SHANK2: variants seen among roughly 807,000 people sequenced by gnomAD.
SHANK2 encodes SH3 and multiple ankyrin repeat domains protein 2.
Under a neutral mutation model 133.7 loss-of-function variants are expected in SHANK2, and 43 were observed. The ratio of observed to expected loss-of-function variants is 0.32; its 90% CI spans 0.25 to 0.41. The LOEUF (loss-of-function observed/expected upper bound fraction) is 0.41, where lower values mean the gene tolerates loss of function less well. Among genes scored for constraint, SHANK2 ranks in the 10% least tolerant of loss-of-function variants. The pLI is 1.00. For missense variants in SHANK2, 1,994 were observed against 2,235.8 expected (o/e 0.89, Z 2.18); for synonymous variants, 1,017 against 952.8 (o/e 1.07, Z -1.24).
intron 9 of SHANK2, among the ~76,000 whole-genome samples, chr11:71,066,993 G>C (rs1951071312): frequency 6.6e-6 from 1 of 152,226 alleles, no homozygotes; most frequent in East Asian, 1.9e-4. Flanking sequence ...TGGAAACCTG[G>C]CTTCCTCATT....
chr11:71,147,466 A>C (rs1590957671), intron 2 of SHANK2, 128 bp from the exon 3 acceptor site: 2 of 651,904 alleles, frequency 3.1e-6, no homozygotes, highest in Admixed American at 7.4e-5. Flanking sequence ...TGTTGGTGTG[A>C]CCACCAGCCG....
chr11:71,222,710 C>T (rs1443251728), intron 2 of SHANK2, among the ~76,000 whole-genome samples: 4 of 152,250 alleles, frequency 2.6e-5, no homozygotes, highest in African/African-American at 7.2e-5. Context: ...TGCAGGGACA[C>T]GTGCTCCTTC....
chr11:71,183,683 G>C (rs1289369419), intron 2 of SHANK2, among the ~76,000 whole-genome samples: 1 of 152,130 alleles, frequency 6.6e-6, no homozygotes, highest in African/African-American at 2.4e-5. Flanking sequence ...GGGGCAGGTG[G>C]CTCCATCCCC....
intron 17 of SHANK2, among the ~76,000 whole-genome samples, chr11:70,584,541 G>T (rs541846186): frequency 6.6e-6 from 1 of 151,954 alleles, no homozygotes; most frequent in Admixed American, 6.6e-5. Flanking sequence ...GCTGGGTACC[G>T]GACAGCCAGG....
At chr11:70,538,349 C>T (rs1459172689) in intron 17 of SHANK2, among the ~76,000 whole-genome samples, 3 of 152,250 alleles carry the variant, frequency 2.0e-5, no homozygotes, top group African/African-American at 4.8e-5. Flanking sequence ...GCCTTTGTCC[C>T]GAGGGGCTTG....
chr11:70,872,955 C>A, intron 11 of SHANK2: 1 of 469,126 alleles, frequency 2.1e-6, no homozygotes, highest in South Asian at 1.6e-5. Flanking sequence ...ACACTCATGA[C>A]CTCCACCTCC....
At chr11:71,085,562 T>TAAA (rs1951370035) in intron 8 of SHANK2, among the ~76,000 whole-genome samples, 5 of 60,308 alleles carry the variant, frequency 8.3e-5, no homozygotes, top group Admixed American at 6.0e-4. Flanking sequence ...TATTATATTA[T>TAAA]ATAAAATATA....
chr11:70,550,973 C>T (rs1554977805), intron 17 of SHANK2, among the ~76,000 whole-genome samples: 1 of 152,160 alleles, frequency 6.6e-6, no homozygotes, highest in African/African-American at 2.4e-5. Flanking sequence ...CAGTGGTAAA[C>T]GCTCTCCAGG....
intron 10 of SHANK2, among the ~76,000 whole-genome samples, chr11:70,898,282 G>GCACACACACACACACA (rs71467421): frequency 1.5e-5 from 2 of 135,474 alleles, no homozygotes; most frequent in African/African-American, 2.8e-5. Context: ...ATACACACAC[G>GCACACACACACACACA]CACACACACA....
chr11:70,618,212 T>C lies in SHANK2; in HGVS notation c.2061+41616A>G, dbSNP rs559816618. On this transcript the variant is annotated intron_variant, in intron 17 of 25. Transcript: ENST00000601538. The stretch of plus-strand genomic sequence containing the variant: ...AGGAGGCTGAAGCAGGAGAATCATT[T>C]GAACCCAGGAGGCAGAGGTTGCAGT... Among the ~76,000 whole-genome samples, 4 of 151,020 alleles carry C rather than the reference T, an allele frequency of 2.6e-5. No individual in the cohort carries two copies. In the South Asian group the frequency reaches 8.4e-4, roughly 32 times the overall value.
intron 11 of SHANK2, among the ~76,000 whole-genome samples, chr11:70,873,578 C>T (rs887251205): frequency 2.0e-5 from 3 of 152,178 alleles, no homozygotes; most frequent in African/African-American, 7.2e-5. Flanking sequence ...TCAGGAGAGA[C>T]GTTCCACAGT....
chr11:70,680,541 C>G (rs558429722), intron 15 of SHANK2, among the ~76,000 whole-genome samples: 2 of 152,294 alleles, frequency 1.3e-5, no homozygotes, highest in African/African-American at 2.4e-5. Context: ...GATGAGGATC[C>G]CTGTGATGGC....
intron 6 of SHANK2, among the ~76,000 whole-genome samples, chr11:71,096,792 G>C (rs1456819806): frequency 6.6e-6 from 1 of 152,176 alleles, no homozygotes; most frequent in East Asian, 1.9e-4. Context: ...TTTTTTAAAA[G>C]ATATTTTAAA....
At chr11:70,511,152 C>T (rs973123914) in intron 17 of SHANK2, among the ~76,000 whole-genome samples, 2 of 152,236 alleles carry the variant, frequency 1.3e-5, no homozygotes, top group African/African-American at 4.8e-5. Context: ...CGCCCATCAA[C>T]ACTTCTATGG....
intron 22 of SHANK2, 126 bp from the exon 23 acceptor site, chr11:70,490,513 A>G (rs41298123): frequency 0.016 from 12,559 of 801,794 alleles, 163 homozygotes; most frequent in Middle Eastern, 0.022. Context: ...GGAGCCACCT[A>G]AAGTCTCCAG....
At chr11:71,081,889 G>A (rs1180107325) in intron 8 of SHANK2, among the ~76,000 whole-genome samples, 4 of 152,190 alleles carry the variant, frequency 2.6e-5, no homozygotes, top group Admixed American at 1.3e-4. Flanking sequence ...AGTGACACGG[G>A]GAAGGGCTCC....
chr11:70,796,450 C>T (rs1250994181), intron 14 of SHANK2, among the ~76,000 whole-genome samples: 1 of 152,176 alleles, frequency 6.6e-6, no homozygotes, highest in East Asian at 1.9e-4. Context: ...GGGAGGGCAG[C>T]CAGTGTGGCT....
intron 17 of SHANK2, among the ~76,000 whole-genome samples, chr11:70,555,377 G>C (rs1554979277): frequency 1.3e-5 from 2 of 152,236 alleles, no homozygotes; most frequent in Admixed American, 1.3e-4. Flanking sequence ...GCTGAGACAG[G>C]CTGAAAGCTA....
At chr11:70,915,316 C>CA (rs1272318164) in intron 10 of SHANK2, among the ~76,000 whole-genome samples, 1 of 152,244 alleles carries the variant, frequency 6.6e-6, no homozygotes, top group Admixed American at 6.5e-5. Flanking sequence ...CACACACCCC[C>CA]AAAAAAATCC....
Sources: gnomAD v4.1 joint callset for allele counts (sites outside exome capture counted in the v4.1 genomes callset) on GRCh38, gnomAD v4.1.1 for gene constraint, MANE v1.5 for transcripts, NCBI Gene and HGNC (gene_info 2026-07-23, HGNC 2026-07-21) for gene names.